Variants in PRTG observed in about 807,000 individuals in gnomAD.
PRTG encodes the protein immunoglobulin superfamily, DCC subclass, member 5.
In PRTG, 67 loss-of-function variants were observed where a neutral mutation model predicts 122.5. That is an observed-to-expected ratio of 0.55 (90% CI 0.45 to 0.67). The LOEUF (loss-of-function observed/expected upper bound fraction) is 0.67. PRTG is among the 30% of genes least tolerant of loss of function. The pLI, the probability that PRTG is intolerant of heterozygous loss-of-function variation, is 0.00. For missense variants in PRTG, 1,435 were observed against 1,415.4 expected (o/e 1.01, Z -0.22); for synonymous variants, 554 against 501.1 (o/e 1.11, Z -1.41).
chr15:55,718,116 C>T (rs1163964333), intron 2 of PRTG, among the ~76,000 whole-genome samples: 1 of 152,278 alleles, frequency 6.6e-6, no homozygotes, highest in South Asian at 2.1e-4. Context: ...CACTATCCCT[C>T]AACCTCTTTC....
At chr15:55,627,365 G>A (rs1354685273) in intron 16 of PRTG, among the ~76,000 whole-genome samples, 1 of 132,398 alleles carries the variant, frequency 7.6e-6, no homozygotes, top group African/African-American at 2.7e-5. Flanking sequence ...TCGCTCTGTT[G>A]CCCAGGCTAG....
At chr15:55,626,175 G>C (rs1243906707) in intron 17 of PRTG, among the ~76,000 whole-genome samples, 1 of 152,126 alleles carries the variant, frequency 6.6e-6, no homozygotes, top group Admixed American at 6.5e-5. Flanking sequence ...CAGTACTTTG[G>C]GAGGCCAAGG....
Position 55,672,455 on chromosome 15 carries a change from G to A in PRTG, c.2031C>T (p.Leu677=), listed in dbSNP as rs1367610940. The change falls in exon 11 of 20, where the codon CTC becomes CTT. Residue 677 remains leucine, a synonymous_variant. Coordinates refer to ENST00000389286, the MANE Select transcript of PRTG (RefSeq NM_173814.6). ...TACAAACTCACTCACCTAAGCCACTGAGAGTATAGAGTAGGTCCTTGGTAT... is the reference window on the plus strand; with the variant it reads ...TACAAACTCACTCACCTAAGCCACTAAGAGTATAGAGTAGGTCCTTGGTAT... ...FLDTKDLLYT[L]SGLDPRRKYH... is the part of the protein sequence containing the mutation. 3.1e-6 allele frequency: 5 copies of A among 1,613,062 alleles called. No individual in the cohort carries two copies. Among genetic ancestry groups the A allele is most frequent in the South Asian group, 2.2e-5 (2 of 90,854 alleles).
intron 18 of PRTG, among the ~76,000 whole-genome samples, chr15:55,621,727 A>G (rs1178750211): frequency 6.6e-6 from 1 of 152,198 alleles, no homozygotes; most frequent in Non-Finnish European, 1.5e-5. Context: ...GGTCAAAACA[A>G]TATAATAGGT....
At chr15:55,687,465 C>T (rs190323724) in intron 2 of PRTG, among the ~76,000 whole-genome samples, 5 of 152,316 alleles carry the variant, frequency 3.3e-5, no homozygotes, top group African/African-American at 4.8e-5. Flanking sequence ...TGTTTTTTCA[C>T]TCTGAATCTA....
At position 55,649,357 on chromosome 15, in the gene PRTG, T is replaced by C. The variant is rs200945000; in HGVS notation, c.2042-8149A>G. On this transcript the variant is annotated intron_variant, in intron 11 of 19. Transcript: ENST00000389286. ...TCTCTGTACCTTGGTTACAATCACCTGTAAAATGGGTATGACAATGATAAC... is the reference window on the plus strand; with the variant it reads ...TCTCTGTACCTTGGTTACAATCACCCGTAAAATGGGTATGACAATGATAAC... Among the ~76,000 whole-genome samples, 5 of 152,260 alleles carry C rather than the reference T, an allele frequency of 3.3e-5. No individual in the cohort carries two copies. In the South Asian group the frequency reaches 6.2e-4, roughly 19 times the overall value.
At chr15:55,703,506 T>C (rs1404388317) in intron 2 of PRTG, among the ~76,000 whole-genome samples, 1 of 152,094 alleles carries the variant, frequency 6.6e-6, no homozygotes, top group Non-Finnish European at 1.5e-5. Flanking sequence ...AGAAATGTGA[T>C]AAGAGGAAGA....
At chr15:55,716,412 C>T (rs2030602762) in intron 2 of PRTG, among the ~76,000 whole-genome samples, 1 of 152,226 alleles carries the variant, frequency 6.6e-6, no homozygotes, top group Admixed American at 6.5e-5. Context: ...TACAGAACCA[C>T]TTCCTTACCT....
chr15:55,717,992 G>A (rs778385002), intron 2 of PRTG, among the ~76,000 whole-genome samples: 1 of 152,150 alleles, frequency 6.6e-6, no homozygotes, highest in Non-Finnish European at 1.5e-5. Flanking sequence ...TCTTTGCTCC[G>A]TGAGAAAGAT....
At chr15:55,735,717 C>CT (rs2031388046) in intron 2 of PRTG, among the ~76,000 whole-genome samples, 1 of 39,882 alleles carries the variant, frequency 2.5e-5, no homozygotes, top group South Asian at 5.1e-4. Flanking sequence ...CCATGCTTTG[C>CT]TAAAAAAAAA....
At position 55,740,615 on chromosome 15, in the gene PRTG, G is replaced by T; in HGVS notation, c.164C>A (p.Pro55Gln). 6.2e-7 allele frequency: 1 copy of T among 1,614,022 alleles called. No homozygotes were observed. Among genetic ancestry groups the T allele is most frequent in the African/African-American group, 1.3e-5 (1 of 75,016 alleles). The stretch of plus-strand genomic sequence containing the variant: ...GTGAGCCTGGCAATCTAAAACGACT[G>T]GGTCCTTTCTTGTGACAGTTACATC... ...PQDVTVTRKD[P>Q]VVLDCQAHGE... The change falls in exon 2 of 20, where the codon CCA (proline) becomes CAA (glutamine). Residue 55 changes from proline (P) to glutamine (Q), a missense_variant. Pro to Gln is a moderately conservative substitution (Grantham distance 76). Coordinates refer to ENST00000389286, the MANE Select transcript of PRTG (RefSeq NM_173814.6).
At chr15:55,695,586 G>A (rs887277938) in intron 2 of PRTG, among the ~76,000 whole-genome samples, 1 of 152,194 alleles carries the variant, frequency 6.6e-6, no homozygotes, top group East Asian at 1.9e-4. Flanking sequence ...AAATGGCAGG[G>A]CAACGTGGGC....
chr15:55,632,980 T>C (rs1248069711), intron 15 of PRTG, among the ~76,000 whole-genome samples: 1 of 152,224 alleles, frequency 6.6e-6, no homozygotes, highest in Non-Finnish European at 1.5e-5. Flanking sequence ...TTGAGTTAAA[T>C]GGATTCCTTT....
At chr15:55,632,604 C>T (rs1053384121) in intron 15 of PRTG, among the ~76,000 whole-genome samples, 2 of 152,204 alleles carry the variant, frequency 1.3e-5, no homozygotes, top group Non-Finnish European at 2.9e-5. Flanking sequence ...CCTTGGCCTT[C>T]TTGCTGTTCC....
chr15:55,705,228 C>T (rs2030053960), intron 2 of PRTG, among the ~76,000 whole-genome samples: 1 of 152,186 alleles, frequency 6.6e-6, no homozygotes, highest in South Asian at 2.1e-4. Context: ...CATAGCACCT[C>T]ACAGTACTAA....
chr15:55,718,061 A>C (rs1247969266), intron 2 of PRTG, among the ~76,000 whole-genome samples: 1 of 152,092 alleles, frequency 6.6e-6, no homozygotes, highest in Non-Finnish European at 1.5e-5. Flanking sequence ...ACTAATTTTA[A>C]ATCTGGTAAG....
intron 7 of PRTG, 125 bp downstream of exon 7, chr15:55,679,161 T>C: frequency 1.6e-6 from 1 of 622,488 alleles, no homozygotes; most frequent in Non-Finnish European, 2.7e-6. Flanking sequence ...TTTCTTAGTT[T>C]AGTTTCATTT....
rs2059127049 is a variant in PRTG at position 55,612,895 on chromosome 15, T to G, written c.*7117A>C. 2 of 151,838 alleles carry G rather than the reference T, an allele frequency of 1.3e-5. No individual in the cohort carries two copies. Among genetic ancestry groups the G allele is most frequent in the South Asian group, 4.1e-4 (2 of 4,830 alleles). 9.4% of individuals were successfully genotyped at this position (151,838 alleles called of 1,614,324 possible). On this transcript the variant is annotated 3_prime_UTR_variant, in exon 20 of 20. Transcript: ENST00000389286. ...ACCAACCACTTTCTTCTATTGGTTT[T>G]GTGTATGCGTACGGGAGATGCAAAC...
rs542352577 is a variant in PRTG at position 55,673,259 on chromosome 15, G to T, written c.1852+112C>A. 3.0e-5 allele frequency: 24 copies of T among 806,652 alleles called. No homozygotes were observed. In the East Asian group the frequency reaches 5.4e-4, roughly 18 times the overall value. 50.0% of individuals were successfully genotyped at this position (806,652 alleles called of 1,614,324 possible). ...TTTTCAATTAAGTCCATCATCTATGGAATATTTTTATTTGTAAAACAAAAT... is the reference window on the plus strand; with the variant it reads ...TTTTCAATTAAGTCCATCATCTATGTAATATTTTTATTTGTAAAACAAAAT... On this transcript the variant is annotated intron_variant, in intron 10 of 19. Transcript: ENST00000389286.
Sources: allele counts gnomAD v4.1 joint callset (sites outside exome capture counted in the v4.1 genomes callset), GRCh38; gene constraint gnomAD v4.1.1; transcripts MANE v1.5; gene names NCBI Gene and HGNC (gene_info 2026-07-23, HGNC 2026-07-21).